Variants in PTPRG observed in about 807,000 individuals in gnomAD.
PTPRG encodes protein tyrosine phosphatase receptor type G.
In PTPRG, 102 loss-of-function variants were observed where a neutral mutation model predicts 165.3. That is an observed-to-expected ratio of 0.62 (90% CI 0.53 to 0.73). The LOEUF is 0.73. PTPRG is among the 30% of genes least tolerant of loss of function. The probability of loss-of-function intolerance (pLI) is 0.00; values close to 1 mark genes in which losing one functional copy is unlikely to be tolerated. For synonymous variants in PTPRG, 675 were observed against 669.5 expected (o/e 1.01, Z -0.13); for missense variants, 1,866 against 1,861.4 (o/e 1.00, Z -0.05).
At chr3:61,864,505 T>A in intron 2 of PTPRG, among the ~76,000 whole-genome samples, 1 of 152,150 alleles carries the variant, frequency 6.6e-6, no homozygotes, top group East Asian at 1.9e-4. Context: ...TTTGGGAGAA[T>A]TAAGGCAAAT....
Position 62,213,299 on chromosome 3 carries a change from A to AGGC in PTPRG, c.2156-5551_2156-5549dup, listed in dbSNP as rs1263056240. On this transcript the variant is annotated intron_variant, in intron 12 of 29. Transcript: ENST00000474889. The surrounding 1 kb of genome is among the most constrained non-coding windows in gnomAD (Gnocchi z 4.4). ...ACTGATCCAGAGCAGCTTCATAAGC[A>AGGC]GGCAGCCTGTGCACTCACACAGGCC... Among the ~76,000 whole-genome samples the AGGC allele has an allele frequency of 6.6e-6, 1 of 152,186 alleles. No individual in the cohort carries two copies. The highest frequency in any genetic ancestry group is 1.5e-5 in the Non-Finnish European group (1 of 68,024).
At chr3:61,767,463 A>C (rs1412093410) in intron 2 of PTPRG, among the ~76,000 whole-genome samples, 3 of 152,182 alleles carry the variant, frequency 2.0e-5, no homozygotes, top group Admixed American at 6.5e-5. Context: ...TGGTAACCTC[A>C]GCTGAGCGCT....
chr3:62,289,698 T>C (rs1341730045), intron 28 of PTPRG, among the ~76,000 whole-genome samples: 119 of 108,244 alleles, frequency 1.1e-3, no homozygotes, highest in Middle Eastern at 5.1e-3. Flanking sequence ...CCATTCATGA[T>C]CCCCCCCCCC....
At position 61,918,362 on chromosome 3, in the gene PTPRG, G is replaced by GTATATA. The variant is rs143655937; in HGVS notation, c.191-71254_191-71249dup. On this transcript the variant is annotated intron_variant, in intron 2 of 29. Coordinates refer to ENST00000474889, the MANE Select transcript of PTPRG (RefSeq NM_002841.4). ...AAATCAGTTATTGAATGGGAAATAT[G>GTATATA]TATATATATATATACACACACACAG... is the stretch of plus-strand genomic sequence containing the variant. Among the ~76,000 whole-genome samples, 1,475 of 151,138 alleles carry GTATATA rather than the reference G, an allele frequency of 9.8e-3. 28 individuals carry two copies. The highest frequency in any genetic ancestry group is 0.089 in the South Asian group (424 of 4,770).
At chr3:62,132,691 CT>C in intron 6 of PTPRG, 23 bp downstream of exon 6, 3 of 1,579,204 alleles carry the variant, frequency 1.9e-6, no homozygotes, top group Non-Finnish European at 2.6e-6. Context: ...CATACACTTC[CT>C]TTTGCTGGGA....
At chr3:61,563,893 T>G (rs568181250) in intron 1 of PTPRG, among the ~76,000 whole-genome samples, 1 of 152,290 alleles carries the variant, frequency 6.6e-6, no homozygotes, top group South Asian at 2.1e-4. Context: ...AAACACCGTC[T>G]GGTATTCTGC....
chr3:62,054,211 C>T (rs770121221), intron 4 of PTPRG, among the ~76,000 whole-genome samples: 7 of 152,242 alleles, frequency 4.6e-5, no homozygotes, highest in Non-Finnish European at 8.8e-5. Flanking sequence ...CAGGACAATT[C>T]TAACATTTCT....
intron 8 of PTPRG, among the ~76,000 whole-genome samples, chr3:62,181,411 C>A (rs1705644528): frequency 6.6e-6 from 1 of 151,632 alleles, no homozygotes; most frequent in East Asian, 1.9e-4. Flanking sequence ...TTTGTACACA[C>A]TTTTTTTTTC....
At chr3:61,861,322 A>G (rs1398987813) in intron 2 of PTPRG, among the ~76,000 whole-genome samples, 1 of 152,160 alleles carries the variant, frequency 6.6e-6, no homozygotes, top group Non-Finnish European at 1.5e-5. Flanking sequence ...AAAAATTGGC[A>G]CAGTCACTGC....
chr3:62,130,912 C>G (rs934406145), intron 5 of PTPRG, among the ~76,000 whole-genome samples: 2 of 151,446 alleles, frequency 1.3e-5, no homozygotes, highest in Non-Finnish European at 2.9e-5. Context: ...CCTTTATGGT[C>G]TGATACACTG....
Position 61,628,215 on chromosome 3 carries a change from G to C in PTPRG, c.85+65843G>C, listed in dbSNP as rs188049089. On this transcript the variant is annotated intron_variant, in intron 1 of 29. Coordinates refer to ENST00000474889, the MANE Select transcript of PTPRG (RefSeq NM_002841.4). The stretch of plus-strand genomic sequence containing the variant: ...AGAATTAGATATATGTGGCTCTTTT[G>C]TTTAACTTGAACATAAATGTTTTCC... Among the ~76,000 whole-genome samples the C allele has an allele frequency of 2.0e-5, 3 of 152,190 alleles. No individual in the cohort carries two copies. In the East Asian group the frequency reaches 5.8e-4, roughly 29 times the overall value.
At chr3:62,193,560 C>T (rs1318357023) in intron 9 of PTPRG, among the ~76,000 whole-genome samples, 1 of 152,184 alleles carries the variant, frequency 6.6e-6, no homozygotes, top group Non-Finnish European at 1.5e-5. Context: ...GGAAGTAATA[C>T]ATATCATTTG....
intron 2 of PTPRG, among the ~76,000 whole-genome samples, chr3:61,885,666 CCTCTCCTCT>C (rs2038010673): frequency 8.0e-5 from 1 of 12,578 alleles, no homozygotes; most frequent in African/African-American, 3.0e-4. Flanking sequence ...TCTCTCCTCT[CCTCTCCTCT>C]CCTCTCCTCT....
intron 7 of PTPRG, among the ~76,000 whole-genome samples, chr3:62,157,624 A>G (rs1341744393): frequency 2.6e-5 from 4 of 152,152 alleles, no homozygotes; most frequent in Non-Finnish European, 4.4e-5. Flanking sequence ...CCCCCATTCT[A>G]CAGTCTTATG....
rs1185757665 is a variant in PTPRG at position 62,195,945 on chromosome 3, G to A, written c.1327+775G>A. Among the ~76,000 whole-genome samples, 6 of 151,244 alleles carry A rather than the reference G, an allele frequency of 4.0e-5. No homozygotes were observed. The highest frequency in any genetic ancestry group is 2.1e-4 in the South Asian group (1 of 4,688). ...TGGGATTACAGGCACCTGCCACCAC[G>A]CCCAGCTAATTTTTTGTATTTTTAC... On this transcript the variant is annotated intron_variant, in intron 10 of 29. Coordinates refer to ENST00000474889, the MANE Select transcript of PTPRG (RefSeq NM_002841.4). This position sits in a 1 kb window ranked among gnomAD's most constrained non-coding sequence, Gnocchi z 4.4.
chr3:62,155,011 A>G (rs1262163872), intron 6 of PTPRG, among the ~76,000 whole-genome samples: 1 of 152,240 alleles, frequency 6.6e-6, no homozygotes. Context: ...CCCGCCAAGC[A>G]TGCTTGCAGA....
intron 2 of PTPRG, among the ~76,000 whole-genome samples, chr3:61,931,815 A>G (rs1377455598): frequency 1.3e-5 from 2 of 152,216 alleles, no homozygotes; most frequent in Non-Finnish European, 2.9e-5. Context: ...TGTCTGATCC[A>G]TGTTATTTGT....
chr3:61,819,014 A>C (rs988544202), intron 2 of PTPRG, among the ~76,000 whole-genome samples: 3 of 152,170 alleles, frequency 2.0e-5, no homozygotes, highest in Non-Finnish European at 4.4e-5. Context: ...ATTCATGAAA[A>C]GGAAAAACAA....
chr3:62,085,706 TC>T (rs2106779509), intron 5 of PTPRG, among the ~76,000 whole-genome samples: 1 of 152,308 alleles, frequency 6.6e-6, no homozygotes, highest in East Asian at 1.9e-4. Flanking sequence ...TCTGCCTCTT[TC>T]CCCCCTTTCT....
Sources: allele counts gnomAD v4.1 joint callset (sites outside exome capture counted in the v4.1 genomes callset), GRCh38; gene constraint gnomAD v4.1.1; non-coding constraint Gnocchi (gnomAD v3.1); transcripts MANE v1.5; gene names NCBI Gene and HGNC (gene_info 2026-07-23, HGNC 2026-07-21).